The following RBMS3 variants were observed in gnomAD, a reference collection of about 807,000 sequenced individuals.
The protein encoded by RBMS3 is RNA-binding motif, single-stranded-interacting protein 3.
Under a neutral mutation model 66.8 loss-of-function variants are expected in RBMS3, and 27 were observed. The observed-to-expected ratio is 0.40, with a 90% CI of 0.30 to 0.56. RBMS3 has a LOEUF of 0.56. Among genes scored for constraint, RBMS3 ranks in the 20% least tolerant of loss-of-function variants. RBMS3 has a pLI of 0.40. For missense variants in RBMS3, 513 were observed against 549.5 expected (o/e 0.93, Z 0.66); for synonymous variants, 188 against 183.0 (o/e 1.03, Z -0.22).
Position 30,003,890 on chromosome 3 carries a change from C to A in RBMS3, c.*28C>A. 1 of 1,441,078 alleles carries A rather than the reference C, an allele frequency of 6.9e-7. No homozygotes were observed. 89.3% of individuals were successfully genotyped at this position (1,441,078 alleles called of 1,614,324 possible). On this transcript the variant is annotated 3_prime_UTR_variant, in exon 15 of 15. Coordinates refer to ENST00000383767, the MANE Select transcript of RBMS3 (RefSeq NM_001003793.3). ...AGGACTGAAGAATGTCTGTCTGAAT[C>A]TTTGCCTTGAATGAAGAAACTTCAT... is the stretch of plus-strand genomic sequence containing the variant.
intron 3 of RBMS3, among the ~76,000 whole-genome samples, chr3:29,581,184 T>G (rs756559785): frequency 3.3e-5 from 5 of 152,184 alleles, no homozygotes; most frequent in Non-Finnish European, 5.9e-5. Context: ...TTTACTATAA[T>G]GATCACTCAC....
intron 10 of RBMS3, among the ~76,000 whole-genome samples, chr3:29,931,287 G>A (rs546609034): frequency 5.3e-5 from 8 of 152,108 alleles, no homozygotes; most frequent in South Asian, 2.1e-4. Flanking sequence ...AAGATGTAAC[G>A]TGGAAAGAAA....
At chr3:29,567,526 G>A (rs1490981824) in intron 3 of RBMS3, among the ~76,000 whole-genome samples, 1 of 152,100 alleles carries the variant, frequency 6.6e-6, no homozygotes, top group Non-Finnish European at 1.5e-5. Context: ...TCTGTAGAGA[G>A]TCCAGTGGTA....
chr3:29,456,077 T>C (rs554596760), intron 2 of RBMS3, among the ~76,000 whole-genome samples: 1 of 152,284 alleles, frequency 6.6e-6, no homozygotes, highest in East Asian at 1.9e-4. Context: ...ATAATGAGGA[T>C]CAACTCTATT....
intron 3 of RBMS3, among the ~76,000 whole-genome samples, chr3:29,564,260 T>C (rs966360306): frequency 2.0e-5 from 3 of 151,998 alleles, no homozygotes; most frequent in Non-Finnish European, 4.4e-5. Context: ...GTGGATCACC[T>C]GAGGTCAGGA....
At chr3:29,349,373 A>G (rs1478460875) in intron 1 of RBMS3, among the ~76,000 whole-genome samples, 1 of 152,166 alleles carries the variant, frequency 6.6e-6, no homozygotes, top group African/African-American at 2.4e-5. Flanking sequence ...GTCAATCCCA[A>G]TACAGCTGCA....
intron 6 of RBMS3, among the ~76,000 whole-genome samples, chr3:29,776,432 T>C (rs2056429133): frequency 6.6e-6 from 1 of 152,010 alleles, no homozygotes; most frequent in Admixed American, 6.6e-5. Context: ...TATCTCCTAA[T>C]GCTATCCCTC....
chr3:29,666,410 A>G (rs1292268321), intron 4 of RBMS3, among the ~76,000 whole-genome samples: 6 of 152,128 alleles, frequency 3.9e-5, no homozygotes, highest in Non-Finnish European at 8.8e-5. Flanking sequence ...AGGACCCACT[A>G]TATGTTTTGA....
At chr3:29,771,733 G>C (rs2056210749) in intron 6 of RBMS3, among the ~76,000 whole-genome samples, 1 of 151,956 alleles carries the variant, frequency 6.6e-6, no homozygotes, top group African/African-American at 2.4e-5. Flanking sequence ...AGTGTGGCTG[G>C]AGAAGACTCA....
intron 12 of RBMS3, among the ~76,000 whole-genome samples, chr3:29,967,712 C>T (rs1696946047): frequency 6.6e-6 from 1 of 152,102 alleles, no homozygotes; most frequent in African/African-American, 2.4e-5. Flanking sequence ...TGTATTTTTC[C>T]AGAAATTTAT....
rs1267928616 is a variant in RBMS3, at chr3:29,991,134, C to T, written c.1232C>T (p.Thr411Ile). 3.1e-6 allele frequency: 5 copies of T among 1,614,094 alleles called. No homozygotes were observed. The highest frequency in any genetic ancestry group is 2.7e-5 in the African/African-American group (2 of 74,998). ...PQTVAPSSQDTSGQQQQIAVD... is the reference protein window; with the variant it reads ...PQTVAPSSQDISGQQQQIAVD... ...ACAGTGGCACCTTCATCCCAGGACA[C>T]CAGTGGTCAGCAGCAACAGATAGCA... The change falls in exon 14 of 15, where the codon ACC (threonine) becomes ATC (isoleucine). Residue 411 changes from threonine to isoleucine, a missense_variant. Coordinates refer to ENST00000383767, the MANE Select transcript of RBMS3 (RefSeq NM_001003793.3).
intron 1 of RBMS3, among the ~76,000 whole-genome samples, chr3:29,304,065 TAGG>T (rs2033852525): frequency 6.6e-6 from 1 of 151,942 alleles, no homozygotes; most frequent in Non-Finnish European, 1.5e-5. Context: ...ATGGGAACTG[TAGG>T]AGTACAATTC....
At chr3:29,958,816 T>A (rs1001281824) in intron 12 of RBMS3, among the ~76,000 whole-genome samples, 5 of 152,190 alleles carry the variant, frequency 3.3e-5, no homozygotes, top group Non-Finnish European at 7.3e-5. Context: ...GGAAAGTATA[T>A]CAACTTCACA....
chr3:29,461,868 C>G lies in RBMS3; in HGVS notation c.249-26573C>G, dbSNP rs537345221. 2.0e-4 allele frequency among the ~76,000 whole-genome samples: 30 copies of G among 151,508 alleles called. No homozygotes were observed. In the East Asian group the frequency reaches 5.8e-3, roughly 29 times the overall value. On this transcript the variant is annotated intron_variant, in intron 2 of 14. Transcript: ENST00000383767. ...TCCCAGGTTCATGCCATTCTCCTGCCTCAGCCTCCCAAGTAGCTGGGACTA... is the reference window on the plus strand; with the variant it reads ...TCCCAGGTTCATGCCATTCTCCTGCGTCAGCCTCCCAAGTAGCTGGGACTA...
chr3:29,748,864 G>A (rs1397883609), intron 5 of RBMS3, among the ~76,000 whole-genome samples: 2 of 152,314 alleles, frequency 1.3e-5, no homozygotes, highest in East Asian at 1.9e-4. Context: ...TCAGGTGGGC[G>A]TGTGGGGAAG....
intron 10 of RBMS3, among the ~76,000 whole-genome samples, chr3:29,908,004 T>A (rs2060424071): frequency 6.6e-6 from 1 of 152,036 alleles, no homozygotes; most frequent in African/African-American, 2.4e-5. Flanking sequence ...CCCCAGCACT[T>A]GGAGAGGCCA....
At chr3:30,003,360 CA>C (rs904701252) in intron 14 of RBMS3, among the ~76,000 whole-genome samples, 3 of 151,856 alleles carry the variant, frequency 2.0e-5, no homozygotes, top group African/African-American at 7.3e-5. Context: ...ATAATCTTGA[CA>C]GGGGGAATGA....
chr3:29,810,448 A>G (rs1214402317), intron 6 of RBMS3, among the ~76,000 whole-genome samples: 1 of 152,044 alleles, frequency 6.6e-6, no homozygotes, highest in Non-Finnish European at 1.5e-5. Flanking sequence ...CTTTCAGATG[A>G]CATTTCAAAT....
chr3:29,758,325 T>C lies in RBMS3; in HGVS notation c.558-4585T>C, dbSNP rs535363629. Among the ~76,000 whole-genome samples the C allele has an allele frequency of 1.8e-4, 27 of 152,314 alleles. 1 individual carries two copies. The South Asian group carries it at 5.4e-3, about 30-fold the overall frequency. On this transcript the variant is annotated intron_variant, in intron 5 of 14. Transcript: ENST00000383767. ...ATTCAAAGTCATGAGACAACAGTTC[T>C]ATTCCAGGCTCATCCACTAACTAGT... is the stretch of plus-strand genomic sequence containing the variant.
Sources: allele counts gnomAD v4.1 joint callset (sites outside exome capture counted in the v4.1 genomes callset), GRCh38; gene constraint gnomAD v4.1.1; transcripts MANE v1.5; gene names NCBI Gene and HGNC (gene_info 2026-07-23, HGNC 2026-07-21).